PTPRR: variants seen among roughly 807,000 people sequenced by gnomAD.
PTPRR encodes protein tyrosine phosphatase receptor type R.
In PTPRR, 38 loss-of-function variants were observed where a neutral mutation model predicts 77.2. That is an observed-to-expected ratio of 0.49 (90% CI 0.38 to 0.65). PTPRR has a LOEUF of 0.65. PTPRR is among the 30% of genes least tolerant of loss of function. The pLI is 0.00. For synonymous variants in PTPRR, 299 were observed against 283.1 expected, an observed-to-expected ratio of 1.06 and a Z score of -0.57; for missense variants, 744 against 799.2, an observed-to-expected ratio of 0.93 and a Z score of 0.83.
At chr12:70,732,595 C>T (rs542264960) in intron 6 of PTPRR, among the ~76,000 whole-genome samples, 1 of 152,150 alleles carries the variant, frequency 6.6e-6, no homozygotes, top group Non-Finnish European at 1.5e-5. Context: ...GAGTCTTGCT[C>T]TGTTGCCCAG....
rs554017420 is a variant in PTPRR, at chr12:70,648,241, A to T, written c.1880+8463T>A. On this transcript the variant is annotated intron_variant, in intron 13 of 13. Transcript: ENST00000283228. ...ATATATTCCTGAGGCTAGATTTTAA[A>T]AAAAAACCCACCCTTTTCCTAGGAG... 4.1e-3 allele frequency among the ~76,000 whole-genome samples: 629 copies of T among 152,200 alleles called. 1 individual carries two copies. The highest frequency in any genetic ancestry group is 0.01 in the Middle Eastern group (3 of 294).
chr12:70,804,603 T>A (rs945313464), intron 2 of PTPRR, among the ~76,000 whole-genome samples: 8 of 152,066 alleles, frequency 5.3e-5, no homozygotes, highest in Non-Finnish European at 1.0e-4. Context: ...TAAACTTACC[T>A]ACATCTTCAT....
intron 2 of PTPRR, among the ~76,000 whole-genome samples, chr12:70,877,375 C>T (rs1341461643): frequency 6.6e-6 from 1 of 152,188 alleles, no homozygotes; most frequent in South Asian, 2.1e-4. Context: ...GTCATCCCCA[C>T]TACCAATACC....
chr12:70,774,704 A>G (rs1225042953), intron 2 of PTPRR, among the ~76,000 whole-genome samples: 2 of 152,198 alleles, frequency 1.3e-5, no homozygotes, highest in African/African-American at 4.8e-5. Context: ...GTACAAACAG[A>G]TATCTATGTA....
chr12:70,733,349 A>G (rs561210429), intron 6 of PTPRR, among the ~76,000 whole-genome samples: 1 of 151,110 alleles, frequency 6.6e-6, no homozygotes, highest in Non-Finnish European at 1.5e-5. Flanking sequence ...CCTGTTTTCT[A>G]AGGTATATAC....
intron 2 of PTPRR, among the ~76,000 whole-genome samples, chr12:70,825,109 C>T (rs1892086500): frequency 6.6e-6 from 1 of 151,780 alleles, no homozygotes; most frequent in African/African-American, 2.4e-5. Flanking sequence ...ATGGTGAAAC[C>T]CTGTCTGTAC....
chr12:70,753,943 CAG>C (rs1890483836), intron 5 of PTPRR, among the ~76,000 whole-genome samples: 1 of 152,160 alleles, frequency 6.6e-6, no homozygotes, highest in African/African-American at 2.4e-5. Flanking sequence ...GCTTCATTCT[CAG>C]AGTTGATCAA....
At chr12:70,871,077 C>G (rs1422048987) in intron 2 of PTPRR, among the ~76,000 whole-genome samples, 2 of 152,110 alleles carry the variant, frequency 1.3e-5, no homozygotes, top group African/African-American at 4.8e-5. Context: ...CAATGAGTAA[C>G]GGAGAGGGAT....
At chr12:70,711,127 A>G (rs1888812278) in intron 6 of PTPRR, among the ~76,000 whole-genome samples, 1 of 152,182 alleles carries the variant, frequency 6.6e-6, no homozygotes, top group African/African-American at 2.4e-5. Flanking sequence ...CAGCAAAGAC[A>G]CGGAATCAAC....
chr12:70,824,780 G>T (rs928316568), intron 2 of PTPRR, among the ~76,000 whole-genome samples: 6 of 152,056 alleles, frequency 3.9e-5, no homozygotes, highest in Non-Finnish European at 7.4e-5. Context: ...TAAGAGTAAA[G>T]ATGAAAAAAA....
chr12:70,826,254 G>A (rs917213399), intron 2 of PTPRR, among the ~76,000 whole-genome samples: 1 of 152,164 alleles, frequency 6.6e-6, no homozygotes, highest in African/African-American at 2.4e-5. Context: ...ATCCGGAAAT[G>A]GAATAGTGCT....
chr12:70,862,682 T>C (rs962367189), intron 2 of PTPRR, among the ~76,000 whole-genome samples: 29 of 151,608 alleles, frequency 1.9e-4, no homozygotes, highest in African/African-American at 6.8e-4. Flanking sequence ...ATGGCACATG[T>C]ATACATATGT....
intron 6 of PTPRR, among the ~76,000 whole-genome samples, chr12:70,718,972 G>A (rs377012829): frequency 6.0e-4 from 91 of 152,194 alleles, no homozygotes; most frequent in African/African-American, 2.1e-3. Flanking sequence ...GAGGACATTC[G>A]GAGAAGTGTG....
At chr12:70,838,471 C>A (rs533822662) in intron 2 of PTPRR, among the ~76,000 whole-genome samples, 1 of 152,234 alleles carries the variant, frequency 6.6e-6, no homozygotes, top group East Asian at 1.9e-4. Context: ...TGTCTGCTGT[C>A]AGCATAAAGA....
At chr12:70,824,503 C>T (rs767314512) in intron 2 of PTPRR, among the ~76,000 whole-genome samples, 1 of 152,092 alleles carries the variant, frequency 6.6e-6, no homozygotes, top group Non-Finnish European at 1.5e-5. Flanking sequence ...ATTTGATTGT[C>T]TCAAAAGGGC....
intron 2 of PTPRR, among the ~76,000 whole-genome samples, chr12:70,862,568 C>T (rs904497878): frequency 8.1e-6 from 1 of 122,956 alleles, no homozygotes; most frequent in East Asian, 2.4e-4. Flanking sequence ...GGAAGGGGAA[C>T]ATCACACTCT....
intron 2 of PTPRR, among the ~76,000 whole-genome samples, chr12:70,801,497 T>C (rs998796766): frequency 4.6e-5 from 7 of 152,234 alleles, no homozygotes; most frequent in African/African-American, 1.7e-4. Flanking sequence ...TCTGCCTGAC[T>C]GAGTAGGTAC....
chr12:70,820,387 G>A (rs1891984476), intron 2 of PTPRR, among the ~76,000 whole-genome samples: 1 of 152,088 alleles, frequency 6.6e-6, no homozygotes, highest in South Asian at 2.1e-4. Context: ...TGGAGTGAGT[G>A]CAGTGGCGCG....
intron 2 of PTPRR, among the ~76,000 whole-genome samples, chr12:70,840,725 G>T (rs1892381806): frequency 6.6e-6 from 1 of 152,136 alleles, no homozygotes; most frequent in African/African-American, 2.4e-5. Flanking sequence ...TTCTCACTAT[G>T]TCGAAAGGTC....
Sources: gnomAD v4.1 joint callset for allele counts (sites outside exome capture counted in the v4.1 genomes callset) on GRCh38, gnomAD v4.1.1 for gene constraint, MANE v1.5 for transcripts, NCBI Gene and HGNC (gene_info 2026-07-23, HGNC 2026-07-21) for gene names.